TAOK3: variants seen among roughly 807,000 people sequenced by gnomAD.
TAOK3 encodes TAO kinase 3, also known as serine/threonine-protein kinase TAO3.
In TAOK3, 40 loss-of-function variants were observed where a neutral mutation model predicts 120.4. That is an observed-to-expected ratio of 0.33 (90% CI 0.26 to 0.43). The LOEUF (loss-of-function observed/expected upper bound fraction) is 0.43. Among genes scored for constraint, TAOK3 ranks in the 20% least tolerant of loss-of-function variants. The probability of loss-of-function intolerance (pLI) is 1.00; values close to 1 mark genes in which losing one functional copy is unlikely to be tolerated. For missense variants in TAOK3, 821 were observed against 1,112.1 expected (o/e 0.74, Z 3.72); for synonymous variants, 355 against 387.5 (o/e 0.92, Z 0.99).
intron 1 of TAOK3, among the ~76,000 whole-genome samples, chr12:118,363,648 T>G (rs2045664110): frequency 6.6e-6 from 1 of 151,760 alleles, no homozygotes; most frequent in Non-Finnish European, 1.5e-5. Context: ...GCATACTACG[T>G]AAAAGAAATG....
At chr12:118,321,421 T>C (rs932941119) in intron 1 of TAOK3, among the ~76,000 whole-genome samples, 1 of 152,140 alleles carries the variant, frequency 6.6e-6, no homozygotes, top group East Asian at 1.9e-4. Context: ...CCACCACATC[T>C]GGCTAGTTTT....
chr12:118,276,466 C>T (rs538141433), intron 1 of TAOK3, among the ~76,000 whole-genome samples: 1 of 152,288 alleles, frequency 6.6e-6, no homozygotes, highest in South Asian at 2.1e-4. Context: ...CTTTGGGAGG[C>T]CGAGGCGGGC....
chr12:118,310,960 C>G (rs2043238577), intron 1 of TAOK3, among the ~76,000 whole-genome samples: 1 of 152,136 alleles, frequency 6.6e-6, no homozygotes, highest in African/African-American at 2.4e-5. Context: ...TCTATATCCA[C>G]AAATAATAGT....
chr12:118,348,421 A>G (rs2044971693), intron 1 of TAOK3, among the ~76,000 whole-genome samples: 1 of 152,264 alleles, frequency 6.6e-6, no homozygotes, highest in African/African-American at 2.4e-5. Flanking sequence ...GCTAAAGTCT[A>G]AGTCTGCTTC....
chr12:118,335,947 G>A (rs2044350999), intron 1 of TAOK3, among the ~76,000 whole-genome samples: 1 of 152,116 alleles, frequency 6.6e-6, no homozygotes, highest in Admixed American at 6.6e-5. Flanking sequence ...GTTGATTAAA[G>A]AAATCTAAGT....
At chr12:118,331,595 AG>A (rs1433827815) in intron 1 of TAOK3, among the ~76,000 whole-genome samples, 3 of 150,456 alleles carry the variant, frequency 2.0e-5, no homozygotes, top group African/African-American at 7.4e-5. Context: ...CAGTGATCCA[AG>A]AACATACCAC....
chr12:118,208,511 T>C (rs1267163109), intron 11 of TAOK3, among the ~76,000 whole-genome samples: 2 of 152,080 alleles, frequency 1.3e-5, no homozygotes, highest in Non-Finnish European at 2.9e-5. Flanking sequence ...ACATCTCCCA[T>C]AATGTGAAAT....
chr12:118,370,082 C>T (rs1250381788), intron 1 of TAOK3, among the ~76,000 whole-genome samples: 1 of 152,066 alleles, frequency 6.6e-6, no homozygotes, highest in Non-Finnish European at 1.5e-5. Flanking sequence ...ATCATGTTGG[C>T]CAGGATGGTC....
chr12:118,303,313 T>C (rs1479994729), intron 1 of TAOK3, among the ~76,000 whole-genome samples: 1 of 152,224 alleles, frequency 6.6e-6, no homozygotes, highest in Non-Finnish European at 1.5e-5. Context: ...GCATATTTTC[T>C]CTCTCTCCTT....
intron 2 of TAOK3, among the ~76,000 whole-genome samples, chr12:118,256,414 C>T (rs186997511): frequency 2.0e-5 from 3 of 152,146 alleles, no homozygotes; most frequent in Admixed American, 2.0e-4. Context: ...CACACATACC[C>T]CCAAGAGAAA....
At chr12:118,193,986 C>G (rs947254124) in intron 13 of TAOK3, among the ~76,000 whole-genome samples, 3 of 152,150 alleles carry the variant, frequency 2.0e-5, no homozygotes, top group Admixed American at 1.3e-4. Flanking sequence ...GCTGAATAAA[C>G]AAACACAAGA....
chr12:118,173,018 A>T (rs928164073), intron 16 of TAOK3, among the ~76,000 whole-genome samples: 20 of 152,336 alleles, frequency 1.3e-4, no homozygotes, highest in African/African-American at 4.3e-4. Context: ...TTATTATAGA[A>T]TCAAAAATTA....
At chr12:118,316,268 C>T (rs1392558879) in intron 1 of TAOK3, among the ~76,000 whole-genome samples, 1 of 152,296 alleles carries the variant, frequency 6.6e-6, no homozygotes, top group Non-Finnish European at 1.5e-5. Flanking sequence ...CCTTTAACTG[C>T]AGCATACCTG....
chr12:118,212,794 T>C (rs879296212), intron 11 of TAOK3, 120 bp downstream of exon 11: 11 of 615,150 alleles, frequency 1.8e-5, no homozygotes, highest in African/African-American at 3.7e-5. Context: ...TCAGGATAAA[T>C]GACAAGGCAG....
intron 15 of TAOK3, among the ~76,000 whole-genome samples, chr12:118,178,011 A>T: frequency 6.6e-6 from 1 of 152,080 alleles, no homozygotes; most frequent in East Asian, 1.9e-4. Context: ...CAGTGGCTCG[A>T]GCATAGCTCA....
chr12:118,201,935 CT>C (rs2038044134), intron 11 of TAOK3, among the ~76,000 whole-genome samples: 1 of 152,034 alleles, frequency 6.6e-6, no homozygotes, highest in African/African-American at 2.4e-5. Flanking sequence ...ATAACTAAAA[CT>C]TTGTACCATT....
chr12:118,338,953 T>C (rs1593606807), intron 1 of TAOK3, among the ~76,000 whole-genome samples: 1 of 152,018 alleles, frequency 6.6e-6, no homozygotes, highest in South Asian at 2.1e-4. Flanking sequence ...GAATAGAACA[T>C]TCAAATGCAC....
intron 19 of TAOK3, among the ~76,000 whole-genome samples, chr12:118,157,078 C>T (rs1403750555): frequency 5.3e-5 from 8 of 152,088 alleles, no homozygotes. Flanking sequence ...GACTGGAAGT[C>T]ATCCTGAACA....
chr12:118,307,044 C>CA (rs2043076608), intron 1 of TAOK3, among the ~76,000 whole-genome samples: 1 of 151,998 alleles, frequency 6.6e-6, no homozygotes, highest in Non-Finnish European at 1.5e-5. Context: ...CTAGATAGTT[C>CA]AAAAAACATC....
Sources: allele counts gnomAD v4.1 joint callset (sites outside exome capture counted in the v4.1 genomes callset), GRCh38; gene constraint gnomAD v4.1.1; transcripts MANE v1.5; gene names NCBI Gene and HGNC (gene_info 2026-07-23, HGNC 2026-07-21).